Variants in NFATC3 observed in about 807,000 individuals in gnomAD.
The protein encoded by NFATC3 is nuclear factor of activated T cells 3, also known as nuclear factor of activated T-cells, cytoplasmic 3.
Under a neutral mutation model 98.6 loss-of-function variants are expected in NFATC3, and 46 were observed. The ratio of observed to expected loss-of-function variants is 0.47; its 90% CI spans 0.37 to 0.60. NFATC3 has a LOEUF of 0.60. Among genes scored for constraint, NFATC3 ranks in the 20% least tolerant of loss-of-function variants. NFATC3 has a pLI of 0.00. For missense variants in NFATC3, 1,256 were observed against 1,295.5 expected (o/e 0.97, Z 0.47); for synonymous variants, 512 against 472.2 (o/e 1.08, Z -1.09).
intron 3 of NFATC3, among the ~76,000 whole-genome samples, chr16:68,149,123 A>C (rs1374344906): frequency 1.3e-5 from 2 of 151,998 alleles, no homozygotes; most frequent in Non-Finnish European, 2.9e-5. Context: ...TATAGAGAGA[A>C]TGAAGTGGAG....
intron 1 of NFATC3, among the ~76,000 whole-genome samples, chr16:68,106,484 G>T (rs1031196499): frequency 2.6e-5 from 4 of 151,750 alleles, no homozygotes; most frequent in Non-Finnish European, 5.9e-5. Flanking sequence ...TAGAGACGGG[G>T]TTTCTCCCTG....
intron 3 of NFATC3, among the ~76,000 whole-genome samples, chr16:68,144,818 C>T (rs1216446137): frequency 6.6e-6 from 1 of 152,026 alleles, no homozygotes; most frequent in African/African-American, 2.4e-5. Flanking sequence ...CCACCACGCC[C>T]AGCTGATTTT....
intron 3 of NFATC3, among the ~76,000 whole-genome samples, chr16:68,142,952 C>T (rs545230727): frequency 2.3e-4 from 35 of 151,842 alleles, no homozygotes; most frequent in Non-Finnish European, 4.4e-4. Flanking sequence ...ATGTAGTAGC[C>T]GCATGAAGTG....
intron 4 of NFATC3, among the ~76,000 whole-genome samples, chr16:68,159,404 CTT>C (rs577760579): frequency 7.5e-6 from 1 of 133,330 alleles, no homozygotes; most frequent in Admixed American, 7.4e-5. Flanking sequence ...ACCTTTCTTT[CTT>C]TTTTTTTTTT....
intron 1 of NFATC3, among the ~76,000 whole-genome samples, chr16:68,107,525 C>G (rs1317818760): frequency 6.6e-6 from 1 of 152,122 alleles, no homozygotes; most frequent in Non-Finnish European, 1.5e-5. Flanking sequence ...GAGTTCAAGA[C>G]CAGCCTGGCC....
chr16:68,153,584 T>A (rs1239499944), intron 3 of NFATC3, among the ~76,000 whole-genome samples: 1 of 152,128 alleles, frequency 6.6e-6, no homozygotes, highest in Non-Finnish European at 1.5e-5. Flanking sequence ...TTAATCTTTT[T>A]CCAAAATCAG....
At chr16:68,109,455 G>A (rs1040665027) in intron 1 of NFATC3, among the ~76,000 whole-genome samples, 2 of 152,194 alleles carry the variant, frequency 1.3e-5, no homozygotes. Context: ...GCTTTTTGAT[G>A]TGCTGCTGGA....
intron 9 of NFATC3, chr16:68,221,743 C>T (rs760532328): frequency 7.0e-5 from 27 of 386,912 alleles, no homozygotes; most frequent in African/African-American, 1.5e-4. Flanking sequence ...CCTAAACTGT[C>T]AGGAACTTTC....
At chr16:68,123,321 A>T (rs2036646279) in intron 2 of NFATC3, among the ~76,000 whole-genome samples, 200 bp downstream of exon 2, 2 of 152,216 alleles carry the variant, frequency 1.3e-5, no homozygotes, top group African/African-American at 4.8e-5. Flanking sequence ...GTTAAATATA[A>T]TTTTAAAATA....
chr16:68,213,549 C>G (rs544570508), intron 9 of NFATC3, among the ~76,000 whole-genome samples: 1 of 152,098 alleles, frequency 6.6e-6, no homozygotes, highest in Admixed American at 6.5e-5. Context: ...CTCCTCCAGG[C>G]GGGCATGGTG....
At chr16:68,200,323 G>A (rs1232589281) in intron 9 of NFATC3, 1 of 151,974 alleles carries the variant, frequency 6.6e-6, no homozygotes, top group African/African-American at 2.4e-5. Context: ...CCTGAGGTCA[G>A]GGGATTTTCT....
At chr16:68,086,662 A>T in intron 1 of NFATC3, 1 of 985,462 alleles carries the variant, frequency 1.0e-6, no homozygotes, top group Non-Finnish European at 1.2e-6. Context: ...AAGGAAATGG[A>T]TAAGAGTAAT....
intron 9 of NFATC3, among the ~76,000 whole-genome samples, chr16:68,210,057 G>A (rs2041314272): frequency 6.6e-6 from 1 of 152,084 alleles, no homozygotes; most frequent in South Asian, 2.1e-4. Flanking sequence ...CAGCACTTTG[G>A]GAGGCCGAGG....
intron 4 of NFATC3, among the ~76,000 whole-genome samples, chr16:68,163,506 C>G (rs1048824852): frequency 2.6e-5 from 4 of 151,720 alleles, no homozygotes; most frequent in Admixed American, 2.0e-4. Flanking sequence ...GACCCCCCCA[C>G]TTCCCTCCCG....
intron 1 of NFATC3, among the ~76,000 whole-genome samples, chr16:68,088,464 A>G (rs980449394): frequency 1.6e-5 from 2 of 121,240 alleles, no homozygotes; most frequent in African/African-American, 3.0e-5. Context: ...GCATATAATT[A>G]TATATAATAT....
At chr16:68,224,452 T>C (rs2041973343) in intron 9 of NFATC3, among the ~76,000 whole-genome samples, 1 of 151,830 alleles carries the variant, frequency 6.6e-6, no homozygotes, top group Non-Finnish European at 1.5e-5. Flanking sequence ...AATTTTTGTA[T>C]TTTTAGTAGA....
chr16:68,120,726 C>G lies in NFATC3; in HGVS notation c.104-1261C>G, dbSNP rs142360804. Among the ~76,000 whole-genome samples, 1,041 of 145,630 alleles carry G rather than the reference C, an allele frequency of 7.1e-3. 13 individuals are homozygous for G. Among genetic ancestry groups the G allele is most frequent in the African/African-American group, 0.023 (927 of 40,074 alleles). ...CCAGCCTGGGCGACAGAGCAAGACT[C>G]CATCTCAAACAAACAAACAAACAAA... On this transcript the variant is annotated intron_variant, in intron 1 of 9. Transcript: ENST00000346183.
At chr16:68,099,430 A>T (rs1598354702) in intron 1 of NFATC3, among the ~76,000 whole-genome samples, 1 of 149,360 alleles carries the variant, frequency 6.7e-6, no homozygotes, top group African/African-American at 2.5e-5. Context: ...GCGAGACCCC[A>T]CCTCAAAAAA....
At chr16:68,117,479 CAT>C (rs1165969850) in intron 1 of NFATC3, among the ~76,000 whole-genome samples, 1 of 152,142 alleles carries the variant, frequency 6.6e-6, no homozygotes, top group Non-Finnish European at 1.5e-5. Context: ...TCAGGAGTAA[CAT>C]AGATTCTCTA....
Sources: allele counts gnomAD v4.1 joint callset (sites outside exome capture counted in the v4.1 genomes callset), GRCh38; gene constraint gnomAD v4.1.1; transcripts MANE v1.5; gene names NCBI Gene and HGNC (gene_info 2026-07-23, HGNC 2026-07-21).